RARG: variants seen among roughly 807,000 people sequenced by gnomAD.
The protein encoded by RARG is RAR-gamma.
Under a neutral mutation model 43.7 loss-of-function variants are expected in RARG, and 17 were observed. The ratio of observed to expected loss-of-function variants is 0.39; its 90% CI spans 0.27 to 0.58. RARG has a LOEUF of 0.58. Among genes scored for constraint, RARG ranks in the 20% least tolerant of loss-of-function variants. The pLI is 0.57. For missense variants in RARG, 346 were observed against 598.7 expected (o/e 0.58, Z 4.40); for synonymous variants, 238 against 236.4 (o/e 1.01, Z -0.06).
chr12:53,230,996 C>T (rs907191987), intron 2 of RARG, among the ~76,000 whole-genome samples, 173 bp downstream of exon 2: 3 of 152,056 alleles, frequency 2.0e-5, no homozygotes, highest in African/African-American at 7.2e-5. Flanking sequence ...TGGTCCTTGA[C>T]CCCAACTCAG....
intron 2 of RARG, among the ~76,000 whole-genome samples, chr12:53,230,756 C>A (rs1943213802): frequency 8.1e-6 from 1 of 123,242 alleles, no homozygotes; most frequent in Admixed American, 8.7e-5. Context: ...AGTTAGGTGG[C>A]TTTCTGAGCC....
intron 5 of RARG, chr12:53,214,854 T>G (rs1942714530): frequency 2.2e-6 from 1 of 458,708 alleles, no homozygotes; most frequent in African/African-American, 2.0e-5. Context: ...GTCCTTCCTG[T>G]CACCCTGCAG....
In RARG at chr12:53,227,570, T is replaced by C; in HGVS notation, c.-25A>G. ...TGGCAGCTGCGGTGTGAGAGTCCCC[T>C]GGGGTCTGCAGTGGGCGGGCGAGGT... On this transcript the variant is annotated 5_prime_UTR_variant, in exon 3 of 10. Coordinates refer to ENST00000425354, the MANE Select transcript of RARG (RefSeq NM_000966.6). The surrounding 1 kb of genome is among the most constrained non-coding windows in gnomAD (Gnocchi z 4.3). 6.6e-7 allele frequency: 1 copy of C among 1,522,270 alleles called. No homozygotes were observed. 94.3% of individuals were successfully genotyped at this position (1,522,270 alleles called of 1,614,324 possible).
chr12:53,227,763 G>A lies in RARG; in HGVS notation c.-142-76C>T. ...TTCCAAGCCCTGTGACCCTCTCTCA[G>A]TTGCAGTCTTCTCCCTCTGTGCTGC... On this transcript the variant is annotated intron_variant, in intron 2 of 9. Coordinates refer to ENST00000425354, the MANE Select transcript of RARG (RefSeq NM_000966.6). This position sits in a 1 kb window ranked among gnomAD's most constrained non-coding sequence, Gnocchi z 4.3. 1 of 1,070,422 alleles carries A rather than the reference G, an allele frequency of 9.3e-7. No individual in the cohort carries two copies. Among genetic ancestry groups the A allele is most frequent in the Non-Finnish European group, 1.2e-6 (1 of 826,554 alleles). 66.3% of individuals were successfully genotyped at this position (1,070,422 alleles called of 1,614,324 possible). A position where few individuals can be genotyped will look rare whatever the true frequency, so the allele number is the denominator to read the frequency against.
intron 3 of RARG, among the ~76,000 whole-genome samples, chr12:53,217,553 C>A (rs1316463309): frequency 6.6e-6 from 1 of 152,204 alleles, no homozygotes; most frequent in Non-Finnish European, 1.5e-5. Flanking sequence ...GGCAACTTTT[C>A]CTGTCTAAGT....
chr12:53,216,821 A>AGTGTGTGTGTGTGTGT lies in RARG; in HGVS notation c.185-1043_185-1028dup, dbSNP rs35354918. 1.0e-3 allele frequency among the ~76,000 whole-genome samples: 144 copies of AGTGTGTGTGTGTGTGT among 144,210 alleles called. 1 individual carries two copies. Among genetic ancestry groups the AGTGTGTGTGTGTGTGT allele is most frequent in the African/African-American group, 3.5e-3 (132 of 37,512 alleles). 94.6% of individuals were successfully genotyped at this position (144,210 alleles called of 152,430 possible). A position where few individuals can be genotyped will look rare whatever the true frequency, so the allele number is the denominator to read the frequency against. On this transcript the variant is annotated intron_variant, in intron 3 of 9. Transcript: ENST00000425354. ...GCTCTGTTCAAAAGGCTGCTGGGTAAGTGTGTGTGTGTGTGTGTGTGCGCG... is the reference window on the plus strand; with the variant it reads ...GCTCTGTTCAAAAGGCTGCTGGGTAAGTGTGTGTGTGTGTGTGTGTGTGTGTGTGTGTGTGTGCGCG...
At position 53,211,821 on chromosome 12, in the gene RARG, G is replaced by A. The variant is rs760999231; in HGVS notation, c.1220C>T (p.Pro407Leu). ...CATCTCTCGGATTAAGGGAGGCATC[G>A]GGCCTGGAATCTCCATCTTCAGAGT... ...AITLKMEIPG[P>L]MPPLIREMLE... The change falls in exon 10 of 10, where the codon CCG (proline) becomes CTG (leucine). Residue 407 changes from proline (P) to leucine (L), a missense_variant. This residue lies in a region of RARG where 20 missense variants were observed against 58.5 expected (regional missense o/e 0.34). Coordinates refer to ENST00000425354, the MANE Select transcript of RARG (RefSeq NM_000966.6). This position sits in a 1 kb window ranked among gnomAD's most constrained non-coding sequence, Gnocchi z 4.6. 3.3e-6 allele frequency: 5 copies of A among 1,524,790 alleles called. No homozygotes were observed. Among genetic ancestry groups the A allele is most frequent in the Non-Finnish European group, 3.5e-6 (4 of 1,134,650 alleles). 94.5% of individuals were successfully genotyped at this position (1,524,790 alleles called of 1,614,324 possible).
At chr12:53,219,152 A>T (rs1194655398) in intron 3 of RARG, among the ~76,000 whole-genome samples, 1 of 151,950 alleles carries the variant, frequency 6.6e-6, no homozygotes, top group Non-Finnish European at 1.5e-5. Flanking sequence ...ACTTCAGGCC[A>T]CCCCCCACCA....
chr12:53,213,471 C>A lies in RARG; in HGVS notation c.1018+25G>T. ...GTGGGAAAGGAGACTGAGCACTGAG[C>A]AGACGCCAGGGGGCGCCCCCGCACC... is the stretch of plus-strand genomic sequence containing the variant. On this transcript the variant is annotated intron_variant, in intron 8 of 9. Transcript: ENST00000425354. The surrounding 1 kb of genome is among the most constrained non-coding windows in gnomAD (Gnocchi z 4.7). The A allele has an allele frequency of 6.2e-7, 1 of 1,609,782 alleles. No individual in the cohort carries two copies. Among genetic ancestry groups the A allele is most frequent in the Non-Finnish European group, 8.5e-7 (1 of 1,178,204 alleles).
At chr12:53,218,406 C>G (rs572700620) in intron 3 of RARG, among the ~76,000 whole-genome samples, 2 of 152,274 alleles carry the variant, frequency 1.3e-5, no homozygotes, top group East Asian at 3.9e-4. Context: ...CTCTGCCCAG[C>G]CCCCAGAAGC....
chr12:53,223,201 G>A (rs74089002), intron 3 of RARG, among the ~76,000 whole-genome samples: 18,139 of 152,070 alleles, frequency 0.12, 1,242 homozygotes, highest in African/African-American at 0.17. Context: ...AGGATAACTG[G>A]CTCTGAATTC....
At position 53,213,277 on chromosome 12, in the gene RARG, AG is replaced by A; in HGVS notation, c.1019-35del. ...ACAAGTATACTGGAGTGAGAGGGGA[AG>A]GAAGAGATGGGGAAGACACAGTGAC... On this transcript the variant is annotated intron_variant, in intron 8 of 9. Coordinates refer to ENST00000425354, the MANE Select transcript of RARG (RefSeq NM_000966.6). The surrounding 1 kb of genome is among the most constrained non-coding windows in gnomAD (Gnocchi z 4.7). 2 of 1,529,886 alleles carry A rather than the reference AG, an allele frequency of 1.3e-6. No homozygotes were observed. Among genetic ancestry groups the A allele is most frequent in the South Asian group, 2.3e-5 (2 of 87,854 alleles). 94.8% of individuals were successfully genotyped at this position (1,529,886 alleles called of 1,614,324 possible).
intron 3 of RARG, among the ~76,000 whole-genome samples, chr12:53,223,525 C>G (rs1372068844): frequency 3.5e-5 from 4 of 113,896 alleles, no homozygotes; most frequent in African/African-American, 1.1e-4. Flanking sequence ...CTCCCCCCGC[C>G]CCCCCCCCGC....
Position 53,215,342 on chromosome 12 carries a change from G to A in RARG, c.426C>T (p.Cys142=). The A allele has an allele frequency of 6.2e-7, 1 of 1,614,112 alleles. No homozygotes were observed. Among genetic ancestry groups the A allele is most frequent in the Non-Finnish European group, 8.5e-7 (1 of 1,180,016 alleles). ...AGCACTTCTGTAGCCGGCAGTACTG[G>A]CAGCGATTCCTGGTCACCTTGTTGA... ...CIINKVTRNR[C]QYCRLQKCFE... The change falls in exon 5 of 10, where the codon TGC becomes TGT. Residue 142 remains cysteine, a synonymous_variant. Transcript: ENST00000425354. This position sits in a 1 kb window ranked among gnomAD's most constrained non-coding sequence, Gnocchi z 6.4.
Position 53,215,250 on chromosome 12 carries a change from T to C in RARG, c.475+43A>G, listed in dbSNP as rs557409825. On this transcript the variant is annotated intron_variant, in intron 5 of 9. Coordinates refer to ENST00000425354, the MANE Select transcript of RARG (RefSeq NM_000966.6). The surrounding 1 kb of genome is among the most constrained non-coding windows in gnomAD (Gnocchi z 6.4). ...AGGAAAGAGGGCCACAGCCATAGGG[T>C]AGGACCGAAGTGCTCCTGCCCAAGC... 2 of 1,604,098 alleles carry C rather than the reference T, an allele frequency of 1.2e-6. No homozygotes were observed. Among genetic ancestry groups the C allele is most frequent in the African/African-American group, 1.3e-5 (1 of 74,890 alleles).
At chr12:53,217,437 C>T (rs931235422) in intron 3 of RARG, among the ~76,000 whole-genome samples, 2 of 152,216 alleles carry the variant, frequency 1.3e-5, no homozygotes, top group Non-Finnish European at 2.9e-5. Context: ...GCCCGCAGAG[C>T]GCTGCCTCAT....
At chr12:53,221,747 C>T (rs988228525) in intron 3 of RARG, among the ~76,000 whole-genome samples, 4 of 151,644 alleles carry the variant, frequency 2.6e-5, no homozygotes, top group African/African-American at 9.7e-5. Context: ...CCCCGCGCCC[C>T]GCCCTCAGCC....
At chr12:53,219,277 T>C (rs1942876826) in intron 3 of RARG, among the ~76,000 whole-genome samples, 1 of 152,244 alleles carries the variant, frequency 6.6e-6, no homozygotes, top group African/African-American at 2.4e-5. Context: ...AACATTTCTT[T>C]TTTTATATGG....
At chr12:53,220,172 C>T (rs960941735) in intron 3 of RARG, 9 of 1,376,474 alleles carry the variant, frequency 6.5e-6, no homozygotes, top group Non-Finnish European at 6.8e-6. Flanking sequence ...CCTCCTCCCC[C>T]GGCGGCGCCC....
Sources: allele counts gnomAD v4.1 joint callset (sites outside exome capture counted in the v4.1 genomes callset), GRCh38; gene constraint gnomAD v4.1.1; regional missense constraint gnomAD v4.1.1; non-coding constraint Gnocchi (gnomAD v3.1); transcripts MANE v1.5; gene names NCBI Gene and HGNC (gene_info 2026-07-23, HGNC 2026-07-21).